KPNA3: variants seen among roughly 807,000 people sequenced by gnomAD.
KPNA3 encodes karyopherin subunit alpha 3.
KPNA3 carries 13 observed loss-of-function variants against 73.8 expected under a neutral mutation model. The ratio of observed to expected loss-of-function variants is 0.18; its 90% CI spans 0.11 to 0.28. The LOEUF is 0.28. KPNA3 is among the 10% of genes least tolerant of loss of function. The pLI is 1.00. For missense variants in KPNA3, 360 were observed against 618.1 expected (o/e 0.58, Z 4.43); for synonymous variants, 186 against 206.9 (o/e 0.90, Z 0.87).
chr13:49,706,571 A>G (rs1185929881), intron 12 of KPNA3, among the ~76,000 whole-genome samples, 199 bp from the exon 13 acceptor site: 1 of 152,188 alleles, frequency 6.6e-6, no homozygotes, highest in African/African-American at 2.4e-5. Flanking sequence ...TTGGGCTCCA[A>G]TAACCTGGCA....
rs1594427786 is a variant in KPNA3 at position 49,705,655 on chromosome 13, T to C, written c.1338A>G (p.Ala446=). 6.2e-7 allele frequency: 1 copy of C among 1,614,134 alleles called. No homozygotes were observed. The highest frequency in any genetic ancestry group is 2.2e-5 in the East Asian group (1 of 44,858). The change falls in exon 15 of 17, where the codon GCA becomes GCG. Residue 446 remains alanine, a synonymous_variant. Coordinates refer to ENST00000261667, the MANE Select transcript of KPNA3 (RefSeq NM_002267.4). ...CCTCTATTATTTCAGCTATTGTGCT[T>C]GCTTCATCACCGGCCATTATCAGAA... ...KNILIMAGDE[A]STIAEIIEEC...
chr13:49,791,421 G>C (rs1473643638), intron 1 of KPNA3, among the ~76,000 whole-genome samples: 1 of 152,220 alleles, frequency 6.6e-6, no homozygotes, highest in Non-Finnish European at 1.5e-5. Context: ...GAGACCTCTA[G>C]CGCTGCCTCA....
intron 1 of KPNA3, among the ~76,000 whole-genome samples, chr13:49,759,918 C>T (rs1199434871): frequency 1.4e-5 from 2 of 140,566 alleles, no homozygotes; most frequent in Non-Finnish European, 3.3e-5. Context: ...AAATAACAGA[C>T]TTAGACAATG....
At chr13:49,754,236 G>C (rs1954691407) in intron 1 of KPNA3, among the ~76,000 whole-genome samples, 1 of 152,112 alleles carries the variant, frequency 6.6e-6, no homozygotes, top group African/African-American at 2.4e-5. Context: ...GGGAGGTGGA[G>C]GCTGCAATGA....
intron 10 of KPNA3, among the ~76,000 whole-genome samples, chr13:49,717,384 C>CGCCTAGATT: frequency 6.8e-6 from 1 of 147,396 alleles, no homozygotes; most frequent in Non-Finnish European, 1.5e-5. Flanking sequence ...GAGCCTAGAT[C>CGCCTAGATT]GCGCCACTGC....
At chr13:49,778,573 A>C (rs1433185809) in intron 1 of KPNA3, among the ~76,000 whole-genome samples, 1 of 152,202 alleles carries the variant, frequency 6.6e-6, no homozygotes, top group Admixed American at 6.5e-5. Flanking sequence ...AAAATGCCAC[A>C]TGGGAGTTCA....
chr13:49,770,077 G>C (rs1954840643), intron 1 of KPNA3, among the ~76,000 whole-genome samples: 2 of 150,738 alleles, frequency 1.3e-5, no homozygotes, highest in Admixed American at 1.3e-4. Context: ...AAACTAGACT[G>C]TCTTTGTATT....
chr13:49,721,814 C>T (rs1376240517), intron 9 of KPNA3, 141 bp downstream of exon 9: 4 of 523,522 alleles, frequency 7.6e-6, no homozygotes, highest in South Asian at 5.6e-5. Context: ...AGCAAGACTC[C>T]GTTATCAAAC....
At position 49,748,855 on chromosome 13, in the gene KPNA3, C is replaced by T. The variant is rs148492105; in HGVS notation, c.70-1862G>A. The stretch of plus-strand genomic sequence containing the variant: ...TACTATTAATACAGAGAATGTCTTA[C>T]GCATAAGTTCATAAAAATGACAAAT... On this transcript the variant is annotated intron_variant, in intron 1 of 16. Coordinates refer to ENST00000261667, the MANE Select transcript of KPNA3 (RefSeq NM_002267.4). Among the ~76,000 whole-genome samples the T allele has an allele frequency of 1.7e-3, 256 of 152,090 alleles. 1 individual carries two copies. The highest frequency in any genetic ancestry group is 5.3e-3 in the African/African-American group (222 of 41,518).
At chr13:49,790,391 T>C (rs1048303467) in intron 1 of KPNA3, among the ~76,000 whole-genome samples, 9 of 152,194 alleles carry the variant, frequency 5.9e-5, no homozygotes, top group Non-Finnish European at 8.8e-5. Flanking sequence ...TCCTTGAACC[T>C]AGAAGTTTGA....
At chr13:49,721,346 A>G (rs902651968) in intron 9 of KPNA3, among the ~76,000 whole-genome samples, 3 of 152,230 alleles carry the variant, frequency 2.0e-5, no homozygotes, top group Non-Finnish European at 4.4e-5. Flanking sequence ...AATGCAATAC[A>G]GTAATAAAAC....
chr13:49,711,407 G>C (rs904758664), intron 10 of KPNA3, among the ~76,000 whole-genome samples: 3 of 152,204 alleles, frequency 2.0e-5, no homozygotes, highest in Non-Finnish European at 2.9e-5. Context: ...ACTGTTTCAA[G>C]TTCAGAAGAG....
intron 6 of KPNA3, among the ~76,000 whole-genome samples, chr13:49,728,295 C>G (rs1408269970): frequency 6.6e-6 from 1 of 150,612 alleles, no homozygotes; most frequent in Non-Finnish European, 1.5e-5. Context: ...GGCAAACAAT[C>G]AACAACAATA....
At chr13:49,773,860 GGAA>G (rs1467807917) in intron 1 of KPNA3, among the ~76,000 whole-genome samples, 1 of 152,050 alleles carries the variant, frequency 6.6e-6, no homozygotes, top group East Asian at 1.9e-4. Context: ...AAAAAAGAAA[GGAA>G]GAAGTAACCA....
At chr13:49,786,182 T>TTCTAAGACATTA (rs1163497972) in intron 1 of KPNA3, among the ~76,000 whole-genome samples, 2 of 152,226 alleles carry the variant, frequency 1.3e-5, no homozygotes, top group African/African-American at 4.8e-5. Flanking sequence ...AGAAAATTAA[T>TTCTAAGACATTA]GTCTTAGAAT....
At chr13:49,765,562 C>T (rs1954801753) in intron 1 of KPNA3, among the ~76,000 whole-genome samples, 2 of 152,144 alleles carry the variant, frequency 1.3e-5, no homozygotes, top group South Asian at 4.1e-4. Context: ...GTCTCAAACT[C>T]CTGGGCTCAA....
At chr13:49,791,862 T>C (rs1278353817) in intron 1 of KPNA3, among the ~76,000 whole-genome samples, 1 of 152,202 alleles carries the variant, frequency 6.6e-6, no homozygotes, top group Admixed American at 6.5e-5. Context: ...TGGCGCATCC[T>C]ACCCTCCCCC....
intron 6 of KPNA3, among the ~76,000 whole-genome samples, chr13:49,730,769 CT>C (rs771724014): frequency 0.01 from 1,026 of 101,128 alleles, 33 homozygotes; most frequent in Admixed American, 0.022. Context: ...TCCCTCCCCC[CT>C]CCCCCCTATT....
At position 49,792,495 on chromosome 13, in the gene KPNA3, G is replaced by T. The variant is rs1955043423; in HGVS notation, c.12C>A (p.Asn4Lys). The change falls in exon 1 of 17, where the codon AAC becomes AAA. Residue 4 changes from asparagine to lysine, a missense_variant. Around this residue, in one of 3 missense-constraint regions of KPNA3, gnomAD observed 35 missense variants for 30.0 expected, o/e 1.17. Transcript: ENST00000261667. MAE[N>K]PSLENHRIKS... The stretch of plus-strand genomic sequence containing the variant: ...TGATGCGGTGGTTCTCCAAGCTGGG[G>T]TTCTCGGCCATGGCTGCGCGCGGCT... 8.3e-6 allele frequency: 13 copies of T among 1,574,778 alleles called. No individual in the cohort carries two copies. The highest frequency in any genetic ancestry group is 1.1e-5 in the Non-Finnish European group (13 of 1,160,072).
Sources: gnomAD v4.1 joint callset for allele counts (sites outside exome capture counted in the v4.1 genomes callset) on GRCh38, gnomAD v4.1.1 for gene constraint, gnomAD v4.1.1 regional missense constraint, MANE v1.5 for transcripts, NCBI Gene and HGNC (gene_info 2026-07-23, HGNC 2026-07-21) for gene names.